The following CPSF7 variants were observed in gnomAD, a reference collection of about 807,000 sequenced individuals.
The protein encoded by CPSF7 is cleavage and polyadenylation specificity factor subunit 7.
CPSF7 carries 1 observed loss-of-function variant against 44.3 expected under a neutral mutation model. That is an observed-to-expected ratio of 0.02 (90% CI 0.01 to 0.11). The LOEUF (loss-of-function observed/expected upper bound fraction) is 0.11. CPSF7 is among the 10% of genes least tolerant of loss of function. CPSF7 has a pLI of 1.00. For synonymous variants in CPSF7, 202 were observed against 222.0 expected, an observed-to-expected ratio of 0.91 and a Z score of 0.80; for missense variants, 443 against 607.2, an observed-to-expected ratio of 0.73 and a Z score of 2.84.
At chr11:61,415,615 A>T in intron 7 of CPSF7, 51 bp downstream of exon 7, 1 of 1,215,818 alleles carries the variant, frequency 8.2e-7, no homozygotes, top group South Asian at 1.2e-5. Context: ...CAAAATCAGG[A>T]AAAAAAAGTA....
At chr11:61,424,509 G>C (rs534627014) in intron 2 of CPSF7, among the ~76,000 whole-genome samples, 18 of 152,192 alleles carry the variant, frequency 1.2e-4, no homozygotes, top group Middle Eastern at 3.4e-3. Context: ...TTGAAGTGCA[G>C]TGGCGCAATC....
intron 5 of CPSF7, among the ~76,000 whole-genome samples, chr11:61,419,009 T>A (rs1860602390): frequency 6.6e-6 from 1 of 151,620 alleles, no homozygotes; most frequent in Admixed American, 6.6e-5. Flanking sequence ...TGAGCCACCA[T>A]GCCCAGCCCC....
At chr11:61,412,758 G>T (rs769411120) in intron 7 of CPSF7, among the ~76,000 whole-genome samples, 21 of 152,224 alleles carry the variant, frequency 1.4e-4, no homozygotes, top group Non-Finnish European at 2.9e-4. Context: ...CAGGCACACA[G>T]TAAGGATCAA....
chr11:61,426,687 A>AT, intron 2 of CPSF7: 1 of 152,358 alleles, frequency 6.6e-6, no homozygotes, highest in East Asian at 1.9e-4. Flanking sequence ...GAATGGCACT[A>AT]TTATCAATCC....
intron 7 of CPSF7, among the ~76,000 whole-genome samples, chr11:61,413,503 C>A (rs1474896467): frequency 2.6e-5 from 4 of 151,828 alleles, no homozygotes; most frequent in African/African-American, 9.7e-5. Context: ...GTGTGGCATG[C>A]ACCTGTAATG....
chr11:61,410,086 G>A (rs2135269020), intron 9 of CPSF7, among the ~76,000 whole-genome samples: 1 of 151,986 alleles, frequency 6.6e-6, no homozygotes, highest in East Asian at 1.9e-4. Flanking sequence ...CAGGCATGAG[G>A]CACCCACCCG....
chr11:61,410,769 A>G, intron 9 of CPSF7, 169 bp downstream of exon 9: 1 of 598,122 alleles, frequency 1.7e-6, no homozygotes, highest in South Asian at 2.6e-5. Flanking sequence ...TCAGGGTAAG[A>G]CTCCCCATAA....
chr11:61,405,176 GTACACAACCAAATCCATTAATCCCCAAAC>G (rs1258399339), intron 9 of CPSF7, among the ~76,000 whole-genome samples: 2 of 152,154 alleles, frequency 1.3e-5, no homozygotes, highest in African/African-American at 4.8e-5. Flanking sequence ...AAACAAGTAT[GTACACAACCAAATCCATTAATCCCCAAAC>G]ACCCAAGAGG....
rs1375154838 is a variant in CPSF7, at chr11:61,403,925, G to C, written c.*785C>G. 1 of 152,752 alleles carries C rather than the reference G, an allele frequency of 6.5e-6. No individual in the cohort carries two copies. Among genetic ancestry groups the C allele is most frequent in the Admixed American group, 6.5e-5 (1 of 15,302 alleles). The allele number at this position is 152,752 out of a possible 1,614,324, so 9.5% of individuals were successfully genotyped here. On this transcript the variant is annotated 3_prime_UTR_variant, in exon 10 of 10. Transcript: ENST00000439958. ...AGGGAACAACTAAGAGCTGGTTATT[G>C]CAAGAGGTACCCAAGCACTAAGCAG... is the stretch of plus-strand genomic sequence containing the variant.
intron 3 of CPSF7, 75 bp downstream of exon 3, chr11:61,421,315 T>C (rs1362763530): frequency 7.8e-7 from 1 of 1,275,450 alleles, no homozygotes; most frequent in African/African-American, 1.5e-5. Flanking sequence ...GCAACAGTAG[T>C]TTCTGAAAAT....
intron 2 of CPSF7, among the ~76,000 whole-genome samples, chr11:61,423,169 C>CTTTT (rs35043745): frequency 3.3e-5 from 2 of 60,802 alleles, no homozygotes; most frequent in Non-Finnish European, 5.9e-5. Flanking sequence ...TCAGAGAAAT[C>CTTTT]TTTTTTTTTT....
chr11:61,417,990 C>G (rs1047940704), intron 5 of CPSF7, among the ~76,000 whole-genome samples: 1 of 152,138 alleles, frequency 6.6e-6, no homozygotes, highest in Non-Finnish European at 1.5e-5. Flanking sequence ...GAACGTTACC[C>G]CCAATACAGT....
chr11:61,422,317 C>CTT (rs768474632), intron 2 of CPSF7, among the ~76,000 whole-genome samples: 4 of 144,456 alleles, frequency 2.8e-5, no homozygotes, highest in African/African-American at 5.1e-5. Context: ...ATCTAGGAGA[C>CTT]TTTTTTTTTT....
chr11:61,429,365 C>T (rs1456479345), intron 1 of CPSF7, 75 bp from the exon 2 acceptor site: 2 of 851,500 alleles, frequency 2.3e-6, no homozygotes, highest in African/African-American at 3.3e-5. Flanking sequence ...TGATTGCTAA[C>T]CTCCCATCTC....
At chr11:61,428,518 C>T (rs1240495863) in intron 2 of CPSF7, among the ~76,000 whole-genome samples, 2 of 152,124 alleles carry the variant, frequency 1.3e-5, no homozygotes, top group Admixed American at 6.6e-5. Flanking sequence ...TTCCCTGGTA[C>T]AATAAAAACA....
intron 2 of CPSF7, among the ~76,000 whole-genome samples, chr11:61,422,588 ATTACAG>A (rs1860983067): frequency 6.6e-6 from 1 of 152,102 alleles, no homozygotes; most frequent in African/African-American, 2.4e-5. Flanking sequence ...AAGTGCCGGG[ATTACAG>A]GGGTGACTAC....
At chr11:61,409,835 T>C (rs1200189423) in intron 9 of CPSF7, among the ~76,000 whole-genome samples, 2 of 152,002 alleles carry the variant, frequency 1.3e-5, no homozygotes, top group East Asian at 3.9e-4. Flanking sequence ...TTAGCGGGCG[T>C]GGTGACGCGC....
intron 2 of CPSF7, among the ~76,000 whole-genome samples, chr11:61,427,790 A>T (rs1861532358): frequency 6.6e-6 from 1 of 152,238 alleles, no homozygotes; most frequent in African/African-American, 2.4e-5. Context: ...TATAATGGGT[A>T]CAAGGTCATT....
chr11:61,428,344 CGTT>C lies in CPSF7; in HGVS notation c.54+835_54+837del, dbSNP rs577403405. On this transcript the variant is annotated intron_variant, in intron 2 of 9. Transcript: ENST00000439958. ...ACTACAGGCACAAGCCACCATATCT[CGTT>C]GTTGTTTTTTTTTACATTTTTGTAG... is the stretch of plus-strand genomic sequence containing the variant. Among the ~76,000 whole-genome samples the C allele has an allele frequency of 1.5e-3, 235 of 152,190 alleles. No individual in the cohort carries two copies. In the Middle Eastern group the frequency reaches 0.02, roughly 13 times the overall value.
Sources: gnomAD v4.1 joint callset for allele counts (sites outside exome capture counted in the v4.1 genomes callset) on GRCh38, gnomAD v4.1.1 for gene constraint, MANE v1.5 for transcripts, NCBI Gene and HGNC (gene_info 2026-07-23, HGNC 2026-07-21) for gene names.